The following CDC123 variants were observed in gnomAD, a reference collection of about 807,000 sequenced individuals.
CDC123 encodes cell division cycle 123.
A neutral mutation model predicts 54.4 loss-of-function variants in CDC123; 37 were observed. The ratio of observed to expected loss-of-function variants is 0.68; its 90% confidence interval spans 0.52 to 0.89. CDC123 has a LOEUF of 0.89. Ranked by LOEUF, CDC123 falls within the 40% of genes least tolerant of loss-of-function variation. The pLI is 0.00. For missense variants in CDC123, 361 were observed against 412.1 expected (o/e 0.88, Z 1.07); for synonymous variants, 144 against 136.8 (o/e 1.05, Z -0.37).
At chr10:12,239,044 A>G (rs1304168598) in intron 10 of CDC123, among the ~76,000 whole-genome samples, 4 of 151,766 alleles carry the variant, frequency 2.6e-5, no homozygotes, top group Admixed American at 2.0e-4. Context: ...AGTCCCAGTT[A>G]TGCAAGAGGC....
At position 12,250,582 on chromosome 10, in the gene CDC123, A is replaced by T; in HGVS notation, c.*245A>T. On this transcript the variant is annotated 3_prime_UTR_variant, in exon 13 of 13. Transcript: ENST00000281141. ...CTGTTCTGATAATAAAATGCTTTCT[A>T]TGAAATACGTTGCTTTTCTACCGAG... is the stretch of plus-strand genomic sequence containing the variant. 1 of 442,718 alleles carries T rather than the reference A, an allele frequency of 2.3e-6. No individual in the cohort carries two copies. The highest frequency in any genetic ancestry group is 3.8e-5 in the East Asian group (1 of 26,592). The allele number at this position is 442,718 out of a possible 1,614,324, so 27.4% of individuals were successfully genotyped here. A position where few individuals can be genotyped will look rare whatever the true frequency, so the allele number is the denominator to read the frequency against.
chr10:12,233,588 CTA>C (rs773517491), intron 7 of CDC123, among the ~76,000 whole-genome samples: 4 of 150,844 alleles, frequency 2.7e-5, no homozygotes, highest in Non-Finnish European at 3.0e-5. Context: ...CCACTGTAGC[CTA>C]TATATATATA....
At chr10:12,236,599 TAA>T (rs534845759) in intron 8 of CDC123, among the ~76,000 whole-genome samples, 21 of 128,818 alleles carry the variant, frequency 1.6e-4, no homozygotes, top group Admixed American at 4.0e-4. Context: ...ACACTGTCTC[TAA>T]AAAAAAAAAA....
intron 4 of CDC123, among the ~76,000 whole-genome samples, chr10:12,212,296 G>A (rs1253481941): frequency 6.6e-6 from 1 of 152,066 alleles, no homozygotes; most frequent in African/African-American, 2.4e-5. Context: ...GAAGCTTCTT[G>A]GAGATATTCT....
intron 11 of CDC123, 130 bp downstream of exon 11, chr10:12,246,407 C>T (rs1002888869): frequency 1.1e-4 from 110 of 987,692 alleles, no homozygotes; most frequent in Non-Finnish European, 1.6e-4. Context: ...CACAGCTTTA[C>T]TAATAGCTAA....
intron 2 of CDC123, among the ~76,000 whole-genome samples, chr10:12,204,773 C>T (rs935295710): frequency 5.9e-5 from 9 of 152,040 alleles, no homozygotes; most frequent in Admixed American, 5.9e-4. Flanking sequence ...GGGCAGATCA[C>T]CTGAGGTCAG....
chr10:12,239,255 A>G (rs556962192), intron 10 of CDC123, among the ~76,000 whole-genome samples: 1 of 152,238 alleles, frequency 6.6e-6, no homozygotes, highest in African/African-American at 2.4e-5. Context: ...AGAGGACTTA[A>G]TAGCTGAAAT....
rs763683481 is a variant in CDC123 at position 12,217,462 on chromosome 10, T to G, written c.435T>G (p.Thr145=). The G allele has an allele frequency of 6.2e-7, 1 of 1,613,740 alleles. No homozygotes were observed. Among genetic ancestry groups the G allele is most frequent in the South Asian group, 1.1e-5 (1 of 90,974 alleles). Residue 145 remains threonine, a synonymous_variant, in exon 6 of 13, where the codon ACT becomes ACG. Transcript: ENST00000281141. ...CCGATTTCATCACTCGTGACTTCAC[T>G]CAGCCGTAAGTATCTCTTATTCTCT... ...KSSDFITRDF[T]QPFIHCTDDS...
At chr10:12,219,215 TATTA>T (rs1354968114) in intron 6 of CDC123, among the ~76,000 whole-genome samples, 2 of 152,224 alleles carry the variant, frequency 1.3e-5, no homozygotes, top group Non-Finnish European at 2.9e-5. Context: ...TGTAGTATTA[TATTA>T]ATTCAAGAAA....
At chr10:12,226,480 G>T (rs1482385721) in intron 6 of CDC123, among the ~76,000 whole-genome samples, 1 of 151,770 alleles carries the variant, frequency 6.6e-6, no homozygotes, top group African/African-American at 2.4e-5. Flanking sequence ...GCTGGGCGGA[G>T]GGGCTCCTCA....
At chr10:12,220,509 CT>C (rs1835721518) in intron 6 of CDC123, among the ~76,000 whole-genome samples, 1 of 152,244 alleles carries the variant, frequency 6.6e-6, no homozygotes, top group Admixed American at 6.5e-5. Flanking sequence ...AAGCACTGGG[CT>C]TTCAGCCTTT....
At chr10:12,233,278 T>TACACACACACACAC (rs57596982) in intron 7 of CDC123, among the ~76,000 whole-genome samples, 66 of 145,676 alleles carry the variant, frequency 4.5e-4, no homozygotes, top group South Asian at 6.7e-4. Context: ...GTATTTAAAA[T>TACACACACACACAC]ACACACACAC....
chr10:12,238,565 G>A lies in CDC123; in HGVS notation c.717+80G>A, dbSNP rs1836009709. On this transcript the variant is annotated intron_variant, in intron 10 of 12. Transcript: ENST00000281141. ...GGCAGAGCATGCCTTTGTTATGTGT[G>A]TGAAGGATCCATGCTCAAAAAATAT... The A allele has an allele frequency of 2.0e-6, 3 of 1,522,298 alleles. No homozygotes were observed. The South Asian group carries it at 3.6e-5, about 18-fold the overall frequency. 94.3% of individuals were successfully genotyped at this position (1,522,298 alleles called of 1,614,324 possible). A position where few individuals can be genotyped will look rare whatever the true frequency, so the allele number is the denominator to read the frequency against.
rs566193767 is a variant in CDC123, at chr10:12,209,016, A to G, written c.147-951A>G. Reference sequence around the variant, plus strand: ...CACAGTAGTTCCATCATCTGTGTAGACAGGTCTTCAGACATTCGCTTCTGG... The same window carrying G: ...CACAGTAGTTCCATCATCTGTGTAGGCAGGTCTTCAGACATTCGCTTCTGG... On this transcript the variant is annotated intron_variant, in intron 2 of 12. Transcript: ENST00000281141. Among the ~76,000 whole-genome samples the G allele has an allele frequency of 1.3e-4, 20 of 152,280 alleles. No homozygotes were observed. In the East Asian group the frequency reaches 3.7e-3, roughly 28 times the overall value.
chr10:12,243,681 G>A (rs1836090017), intron 10 of CDC123, among the ~76,000 whole-genome samples: 2 of 151,982 alleles, frequency 1.3e-5, no homozygotes, highest in African/African-American at 2.4e-5. Flanking sequence ...CTACTTGGGA[G>A]GCTGAGGCAG....
intron 6 of CDC123, among the ~76,000 whole-genome samples, chr10:12,229,258 C>A (rs943301269): frequency 1.1e-4 from 16 of 152,194 alleles, no homozygotes; most frequent in Admixed American, 9.8e-4. Context: ...CAGTGATATT[C>A]TTAACGCCTA....
chr10:12,208,011 T>C (rs929420563), intron 2 of CDC123, among the ~76,000 whole-genome samples: 4 of 152,186 alleles, frequency 2.6e-5, no homozygotes, highest in Non-Finnish European at 5.9e-5. Flanking sequence ...CCTTGGCTTA[T>C]TCCTCCCCTT....
In CDC123 at chr10:12,246,232, GAAC is replaced by G; in HGVS notation, c.805_807del (p.Asn269del). On this transcript the variant is annotated inframe_deletion, in exon 11 of 13. Coordinates refer to ENST00000281141, the MANE Select transcript of CDC123 (RefSeq NM_006023.3). Reference sequence around the variant, plus strand: ...TCACCTGGGAAGAACTGATATCTGAGAACAACTTAAACGGCGATTTTAGTGAAG... The same window carrying G: ...TCACCTGGGAAGAACTGATATCTGAGAACTTAAACGGCGATTTTAGTGAAG... The G allele has an allele frequency of 6.2e-7, 1 of 1,614,170 alleles. No individual in the cohort carries two copies. Among genetic ancestry groups the G allele is most frequent in the Non-Finnish European group, 8.5e-7 (1 of 1,180,006 alleles).
intron 2 of CDC123, among the ~76,000 whole-genome samples, chr10:12,206,538 G>A (rs974887940): frequency 2.6e-5 from 4 of 152,214 alleles, no homozygotes; most frequent in Admixed American, 1.3e-4. Context: ...AAGGCCGGGT[G>A]CAGTGGCTCA....
Sources: gnomAD v4.1 joint callset for allele counts (sites outside exome capture counted in the v4.1 genomes callset) on GRCh38, gnomAD v4.1.1 for gene constraint, MANE v1.5 for transcripts, NCBI Gene and HGNC (gene_info 2026-07-23, HGNC 2026-07-21) for gene names.